Variants in PDSS1 observed in about 807,000 individuals in gnomAD.
PDSS1 encodes the protein all trans-polyprenyl-diphosphate synthase PDSS1.
A neutral mutation model predicts 57.5 loss-of-function variants in PDSS1; 43 were observed. The observed-to-expected ratio is 0.75, with a 90% confidence interval of 0.59 to 0.96. The LOEUF (loss-of-function observed/expected upper bound fraction) is 0.96, where lower values mean the gene tolerates loss of function less well. Ranked by LOEUF, PDSS1 falls within the 50% of genes least tolerant of loss-of-function variation. PDSS1 has a pLI of 0.00. For synonymous variants in PDSS1, 175 were observed against 191.3 expected (o/e 0.91, Z 0.70); for missense variants, 438 against 527.8 (o/e 0.83, Z 1.67).
At chr10:26,720,027 A>C in intron 5 of PDSS1, 191 bp from the exon 6 acceptor site, 1 of 700,428 alleles carries the variant, frequency 1.4e-6, no homozygotes, top group East Asian at 2.8e-5. Context: ...CATAAAATGT[A>C]GTTGTGGCAG....
At chr10:26,725,606 T>G (rs1415694730) in intron 8 of PDSS1, among the ~76,000 whole-genome samples, 1 of 152,194 alleles carries the variant, frequency 6.6e-6, no homozygotes, top group East Asian at 1.9e-4. Flanking sequence ...TCTAACACTT[T>G]TACAGTAATC....
intron 5 of PDSS1, chr10:26,717,517 CCACTGCG>C (rs1835629548): frequency 2.0e-5 from 3 of 152,244 alleles, no homozygotes; most frequent in Admixed American, 2.0e-4. Context: ...TGGGCATGAG[CCACTGCG>C]CCAGGCGCAA....
chr10:26,731,611 C>T (rs1288479161), intron 8 of PDSS1, among the ~76,000 whole-genome samples: 1 of 152,190 alleles, frequency 6.6e-6, no homozygotes, highest in Non-Finnish European at 1.5e-5. Context: ...GGGTCTGTAC[C>T]AGTATGTGTT....
chr10:26,721,739 G>T (rs977792473), intron 6 of PDSS1, among the ~76,000 whole-genome samples: 1 of 152,122 alleles, frequency 6.6e-6, no homozygotes. Flanking sequence ...AGCCTTGGGC[G>T]GGGGAAGAGG....
chr10:26,697,818 C>T lies in PDSS1; in HGVS notation c.107C>T (p.Ala36Val). The T allele has an allele frequency of 7.5e-7, 1 of 1,340,974 alleles. No individual in the cohort carries two copies. The highest frequency in any genetic ancestry group is 1.5e-5 in the African/African-American group (1 of 66,532). 83.1% of individuals were successfully genotyped at this position (1,340,974 alleles called of 1,614,324 possible). ...CGTGCGGGACCGTTGGGGCCGAGCG[C>T]CGCTGCCGAAGTCCGCGCGCAGGTG... ...PGRAGPLGPS[A>V]AAEVRAQVHR... Residue 36 changes from alanine to valine, a missense_variant, in exon 1 of 12, where the codon GCC becomes GTC. Transcript: ENST00000376215.
rs377662347 is a variant in PDSS1, at chr10:26,740,538, TTGTC to T, written c.1027-1955_1027-1952del. ...ATTTTGGTCTGAAAAAATTATTTCT[TTGTC>T]TGTGATCACTTGGCTGCGGCTTTTC... On this transcript the variant is annotated intron_variant, in intron 10 of 11. Transcript: ENST00000376215. The T allele has an allele frequency of 7.4e-3, 3,251 of 436,950 alleles. 26 individuals carry two copies. Among genetic ancestry groups the T allele is most frequent in the South Asian group, 0.013 (793 of 62,750 alleles). The allele number at this position is 436,950 out of a possible 1,614,324, so 27.1% of individuals were successfully genotyped here. A position where few individuals can be genotyped will look rare whatever the true frequency, so the allele number is the denominator to read the frequency against.
chr10:26,709,497 G>T (rs1238236891), intron 4 of PDSS1, 141 bp from the exon 5 acceptor site: 1 of 821,190 alleles, frequency 1.2e-6, no homozygotes, highest in Non-Finnish European at 2.0e-6. Context: ...GGAGGCGGAG[G>T]TTACAATGAG....
intron 8 of PDSS1, among the ~76,000 whole-genome samples, chr10:26,727,536 C>T (rs532245139): frequency 2.7e-5 from 4 of 150,310 alleles, no homozygotes; most frequent in Non-Finnish European, 5.9e-5. Context: ...CGCTCTGTTG[C>T]CCAGGCTGGA....
intron 1 of PDSS1, among the ~76,000 whole-genome samples, chr10:26,699,090 C>T (rs1244884390): frequency 6.6e-6 from 1 of 152,102 alleles, no homozygotes; most frequent in Non-Finnish European, 1.5e-5. Context: ...TGTGATAGTG[C>T]CAGTGCACTC....
chr10:26,713,707 A>C (rs1301197568), intron 5 of PDSS1, among the ~76,000 whole-genome samples: 1 of 152,192 alleles, frequency 6.6e-6, no homozygotes, highest in East Asian at 1.9e-4. Flanking sequence ...TCCACACAAC[A>C]GTAGACTCAG....
chr10:26,727,222 G>A (rs1042363817), intron 8 of PDSS1, among the ~76,000 whole-genome samples: 6 of 152,142 alleles, frequency 3.9e-5, no homozygotes, highest in Admixed American at 3.3e-4. Context: ...TGGTGGAAAT[G>A]AGACCTGAGA....
At chr10:26,700,642 T>G (rs901252057) in intron 1 of PDSS1, among the ~76,000 whole-genome samples, 3 of 152,142 alleles carry the variant, frequency 2.0e-5, no homozygotes, top group African/African-American at 4.8e-5. Context: ...GTGTTCATTC[T>G]GTCTCCTGCC....
At chr10:26,728,774 C>CTTTTTTTTTTTTTTTTTTTTT (rs33930147) in intron 8 of PDSS1, among the ~76,000 whole-genome samples, 1 of 84,568 alleles carries the variant, frequency 1.2e-5, no homozygotes, top group African/African-American at 4.7e-5. Context: ...TATTCTGTAT[C>CTTTTTTTTTTTTTTTTTTTTT]TTTTTTTTTT....
Position 26,746,322 on chromosome 10 carries a change from G to GTATCT in PDSS1, c.1108-7_1108-3dup, listed in dbSNP as rs1554799867. The GTATCT allele has an allele frequency of 1.2e-6, 2 of 1,613,900 alleles. No homozygotes were observed. The highest frequency in any genetic ancestry group is 8.5e-7 in the Non-Finnish European group (1 of 1,179,824). ...ACAGGCATCTGTTCTGTTTTGTTCT[G>GTATCT]TATCTTATAGAGTGATGGTGTGCAA... is the stretch of plus-strand genomic sequence containing the variant. On this transcript the variant is annotated splice_polypyrimidine_tract_variant and intron_variant, in intron 11 of 11. Coordinates refer to ENST00000376215, the MANE Select transcript of PDSS1 (RefSeq NM_014317.5).
At chr10:26,743,238 T>TC in intron 11 of PDSS1, among the ~76,000 whole-genome samples, 1 of 152,188 alleles carries the variant, frequency 6.6e-6, no homozygotes, top group South Asian at 2.1e-4. Context: ...ATGACTTGAG[T>TC]TTTGGTGACT....
intron 2 of PDSS1, 35 bp from the exon 3 acceptor site, chr10:26,704,642 A>G: frequency 2.2e-6 from 2 of 897,270 alleles, no homozygotes; most frequent in South Asian, 2.6e-5. Context: ...TTTCAGGAAT[A>G]TTCTTACAAG....
intron 10 of PDSS1, among the ~76,000 whole-genome samples, 173 bp from the exon 11 acceptor site, chr10:26,742,324 T>G (rs1220444797): frequency 6.6e-6 from 1 of 152,276 alleles, no homozygotes; most frequent in Non-Finnish European, 1.5e-5. Flanking sequence ...GGTGGATGTC[T>G]CTTAGCTCAG....
intron 10 of PDSS1, among the ~76,000 whole-genome samples, chr10:26,737,550 G>T (rs1452094314): frequency 1.3e-5 from 2 of 151,770 alleles, no homozygotes; most frequent in African/African-American, 2.4e-5. Flanking sequence ...GACCAATATG[G>T]TGGAAACCCC....
At chr10:26,744,913 C>T (rs925572184) in intron 11 of PDSS1, among the ~76,000 whole-genome samples, 6 of 151,952 alleles carry the variant, frequency 3.9e-5, no homozygotes, top group African/African-American at 1.2e-4. Context: ...CCTGTAATCG[C>T]AGCATTTTGG....
Sources: allele counts gnomAD v4.1 joint callset (sites outside exome capture counted in the v4.1 genomes callset), GRCh38; gene constraint gnomAD v4.1.1; transcripts MANE v1.5; gene names NCBI Gene and HGNC (gene_info 2026-07-23, HGNC 2026-07-21).